DRP2: variants seen among roughly 807,000 people sequenced by gnomAD.
DRP2 encodes the protein dystrophin-related protein 2.
In DRP2, 29 loss-of-function variants were observed where a neutral mutation model predicts 78.2. The observed-to-expected ratio is 0.37, with a 90% CI of 0.28 to 0.51. The LOEUF is 0.51. DRP2 is among the 20% of genes least tolerant of loss of function. DRP2 has a pLI of 0.94. For synonymous variants in DRP2, 290 were observed against 281.9 expected (o/e 1.03, Z -0.29); for missense variants, 686 against 770.6 (o/e 0.89, Z 1.30).
At chrX:101,238,608 T>C (rs748397654) in intron 5 of DRP2, among the ~76,000 whole-genome samples, 185 of 111,507 alleles carry the variant, frequency 1.7e-3, no homozygotes, top group Non-Finnish European at 4.1e-4. Flanking sequence ...TTTTAGTTTG[T>C]GTATCCCGTA....
chrX:101,257,861 A>G (rs1271516896), intron 21 of DRP2, among the ~76,000 whole-genome samples: 1 of 111,197 alleles, frequency 9.0e-6, no homozygotes, highest in Non-Finnish European at 1.9e-5. Flanking sequence ...AAAGTGGGCC[A>G]AAGAGGAGGA....
At chrX:101,221,054 C>T (rs904239820) in intron 1 of DRP2, among the ~76,000 whole-genome samples, 1 of 111,368 alleles carries the variant, frequency 9.0e-6, no homozygotes, top group Non-Finnish European at 1.9e-5. Flanking sequence ...TCGAGCCAGG[C>T]CTCACAGGTG....
intron 14 of DRP2, among the ~76,000 whole-genome samples, chrX:101,250,005 G>A (rs1210914975): frequency 9.0e-6 from 1 of 111,667 alleles, no homozygotes; most frequent in Non-Finnish European, 1.9e-5. Context: ...GAGATGGTAT[G>A]GCAGCCTGAC....
rs776850939 is a variant in DRP2 at position 101,254,940 on chromosome X, CG to C, written c.2180+19del. 4.1e-6 allele frequency: 5 copies of C among 1,208,735 alleles called. No homozygotes were observed. In the African/African-American group the frequency reaches 5.3e-5, roughly 13 times the overall value. On this transcript the variant is annotated intron_variant, in intron 19 of 23. Coordinates refer to ENST00000395209, the MANE Select transcript of DRP2 (RefSeq NM_001939.3). ...TTGCCAGCAGGTACCACCAGGTTTG[CG>C]GGAGGTGGGTAGGAGCTGTTGTAGG... is the stretch of plus-strand genomic sequence containing the variant.
At chrX:101,240,985 G>C (rs969836731) in intron 6 of DRP2, among the ~76,000 whole-genome samples, 1 of 111,979 alleles carries the variant, frequency 8.9e-6, no homozygotes, top group African/African-American at 3.2e-5. Context: ...CTCCTGGGCT[G>C]AGCCTTCATA....
In DRP2 at chrX:101,250,441, C is replaced by T. The variant is rs765599281; in HGVS notation, c.1559C>T (p.Ala520Val). 8.3e-7 allele frequency: 1 copy of T among 1,211,712 alleles called. No individual in the cohort carries two copies. Among genetic ancestry groups the T allele is most frequent in the South Asian group, 1.8e-5 (1 of 56,971 alleles). Reference sequence around the variant, plus strand: ...CCAGCAGACCTCTTCAGCCAAGTGGCCAACTCAGGCAGCCAGTGTGACCAG... The same window carrying T: ...CCAGCAGACCTCTTCAGCCAAGTGGTCAACTCAGGCAGCCAGTGTGACCAG... ...EKLQYLFSQV[A>V]NSGSQCDQRH... Residue 520 changes from alanine (A) to valine (V), a missense_variant, in exon 15 of 24, where the codon GCC becomes GTC. Coordinates refer to ENST00000395209, the MANE Select transcript of DRP2 (RefSeq NM_001939.3).
At position 101,260,879 on chromosome X, in the gene DRP2, C is replaced by A. The variant is rs772736134; in HGVS notation, c.*258C>A. On this transcript the variant is annotated 3_prime_UTR_variant, in exon 24 of 24. Transcript: ENST00000395209. ...AAGTTCGAGATCAGCCCTTTAAGTACCTTTCTGTTGCAGCCCAGGCAAATA... is the reference window on the plus strand; with the variant it reads ...AAGTTCGAGATCAGCCCTTTAAGTAACTTTCTGTTGCAGCCCAGGCAAATA... 2 of 300,735 alleles carry A rather than the reference C, an allele frequency of 6.7e-6. No individual in the cohort carries two copies. The highest frequency in any genetic ancestry group is 1.1e-5 in the Non-Finnish European group (2 of 174,794). The allele number at this position is 300,735 out of a possible 1,213,427, so 24.8% of individuals were successfully genotyped here.
chrX:101,241,578 A>G lies in DRP2; in HGVS notation c.560-90A>G, dbSNP rs1006204142. 7 of 1,034,248 alleles carry G rather than the reference A, an allele frequency of 6.8e-6. No individual in the cohort carries two copies. The Admixed American group carries it at 7.1e-5, about 11-fold the overall frequency. The allele number at this position is 1,034,248 out of a possible 1,213,427, so 85.2% of individuals were successfully genotyped here. A position where few individuals can be genotyped will look rare whatever the true frequency, so the allele number is the denominator to read the frequency against. On this transcript the variant is annotated intron_variant, in intron 6 of 23. Coordinates refer to ENST00000395209, the MANE Select transcript of DRP2 (RefSeq NM_001939.3). ...TGCCCACATGTGCACACACACATAC[A>G]CACACATTTTATAAAGGGCTGTTTC...
Position 101,242,354 on chromosome X carries a change from A to C in DRP2, c.858A>C (p.Lys286Asn). Residue 286 changes from lysine to asparagine, a missense_variant, in exon 8 of 24, where the codon AAA becomes AAC. Physicochemically the swap from Lys to Asn is moderately conservative, Grantham distance 94 (BLOSUM62 0). Around this residue, in one of 2 missense-constraint regions of DRP2, gnomAD observed 263 missense variants for 239.1 expected, o/e 1.10. Transcript: ENST00000395209. ...TCAAAGAAGAATTCTCCCCCATGAA[A>C]GATGGAGTAAAGTTGGTGAATGATC... ...KLFKEEFSPM[K>N]DGVKLVNDLA... 1 of 1,211,405 alleles carries C rather than the reference A, an allele frequency of 8.3e-7. No individual in the cohort carries two copies. Among genetic ancestry groups the C allele is most frequent in the Non-Finnish European group, 1.1e-6 (1 of 895,446 alleles).
At chrX:101,245,738 CT>C (rs1245381414) in intron 11 of DRP2, among the ~76,000 whole-genome samples, 5 of 111,274 alleles carry the variant, frequency 4.5e-5, no homozygotes, top group Non-Finnish European at 7.5e-5. Context: ...AGAATGGTGG[CT>C]GCCAGTGGCT....
intron 2 of DRP2, among the ~76,000 whole-genome samples, chrX:101,227,082 A>G (rs1443309889): frequency 9.0e-6 from 1 of 110,805 alleles, no homozygotes. Context: ...TTATAAAGCC[A>G]TGAATTCTCC....
chrX:101,230,318 A>G, intron 2 of DRP2, among the ~76,000 whole-genome samples: 1 of 111,272 alleles, frequency 9.0e-6, no homozygotes, highest in Admixed American at 9.6e-5. Context: ...TGAGGTCAGG[A>G]GTTCAAGACC....
intron 9 of DRP2, among the ~76,000 whole-genome samples, chrX:101,244,511 C>A (rs1047239174): frequency 1.8e-5 from 2 of 111,615 alleles, no homozygotes; most frequent in Non-Finnish European, 3.8e-5. Flanking sequence ...AAGATAGACA[C>A]AGGCAGAGAG....
intron 4 of DRP2, 96 bp from the exon 5 acceptor site, chrX:101,237,522 TC>T (rs1922551246): frequency 1.1e-6 from 1 of 923,522 alleles, no homozygotes; most frequent in African/African-American, 2.0e-5. Context: ...GAATTTGTTT[TC>T]TATATTAAAG....
chrX:101,250,393 G>T (rs1187329617), intron 14 of DRP2, 30 bp from the exon 15 acceptor site: 1 of 1,210,415 alleles, frequency 8.3e-7, no homozygotes, highest in Non-Finnish European at 1.1e-6. Flanking sequence ...CTGTGTCGGG[G>T]TTGGCCATTC....
Position 101,250,790 on chromosome X carries a change from C to T in DRP2, c.1699-127C>T, listed in dbSNP as rs1035382729. The T allele has an allele frequency of 1.1e-5, 11 of 970,676 alleles. No individual in the cohort carries two copies. The African/African-American group carries it at 1.5e-4, about 14-fold the overall frequency. The allele number at this position is 970,676 out of a possible 1,213,427, so 80.0% of individuals were successfully genotyped here. A position where few individuals can be genotyped will look rare whatever the true frequency, so the allele number is the denominator to read the frequency against. ...TCAGCTCAACTAGCACAGGGCAGAA[C>T]GTGAACATCTCTGGAGAACAGGCCA... On this transcript the variant is annotated intron_variant, in intron 15 of 23. Coordinates refer to ENST00000395209, the MANE Select transcript of DRP2 (RefSeq NM_001939.3).
chrX:101,222,127 C>T (rs1185979575), intron 1 of DRP2, among the ~76,000 whole-genome samples: 3 of 110,588 alleles, frequency 2.7e-5, no homozygotes, highest in Non-Finnish European at 5.7e-5. Context: ...GCTTCTTAAC[C>T]GAATTCTCAT....
In DRP2 at chrX:101,235,907, G is replaced by C. The variant is rs1240303605; in HGVS notation, c.165G>C (p.Gly55=). 3 of 1,210,089 alleles carry C rather than the reference G, an allele frequency of 2.5e-6. No individual in the cohort carries two copies. The highest frequency in any genetic ancestry group is 3.4e-6 in the Non-Finnish European group (3 of 895,179). The change falls in exon 4 of 24, where the codon GGG becomes GGC. Residue 55 remains glycine, a synonymous_variant. Coordinates refer to ENST00000395209, the MANE Select transcript of DRP2 (RefSeq NM_001939.3). ...CTGCACCTCCTCAAGATGGTGCTGG[G>C]GTTCCCTGCCTAAGCCTAAAGCTGT... ...TSPAPPQDGA[G]VPCLSLKLLN... is the part of the protein sequence containing the mutation.
chrX:101,224,201 T>TTG lies in DRP2; in HGVS notation c.-166-402_-166-401insGT, dbSNP rs1177289365. Reference sequence around the variant, plus strand: ...TGCTGGGTTTTTTTTGTTTTTTTTTTTTTTTTTTTTTTTTTTTTTTGAGAT... The same window carrying TTG: ...TGCTGGGTTTTTTTTGTTTTTTTTTTTGTTTTTTTTTTTTTTTTTTTTGAGAT... On this transcript the variant is annotated intron_variant, in intron 1 of 23. Transcript: ENST00000395209. 4.1e-3 allele frequency among the ~76,000 whole-genome samples: 200 copies of TTG among 48,282 alleles called. 4 individuals carry two copies. Among genetic ancestry groups the TTG allele is most frequent in the African/African-American group, 0.016 (193 of 12,183 alleles). The allele number at this position is 48,282 out of a possible 115,157, so 41.9% of individuals were successfully genotyped here.
Sources: gnomAD v4.1 joint callset for allele counts (sites outside exome capture counted in the v4.1 genomes callset) on GRCh38, gnomAD v4.1.1 for gene constraint, gnomAD v4.1.1 regional missense constraint, MANE v1.5 for transcripts, NCBI Gene and HGNC (gene_info 2026-07-23, HGNC 2026-07-21) for gene names.